VAPB: variants seen among roughly 807,000 people sequenced by gnomAD.
VAPB encodes the protein vesicle-associated membrane protein-associated protein B/C.
A neutral mutation model predicts 25.6 loss-of-function variants in VAPB; 7 were observed. The observed-to-expected ratio is 0.27, with a 90% confidence interval of 0.16 to 0.51. The LOEUF (loss-of-function observed/expected upper bound fraction) is 0.51. VAPB is among the 20% of genes least tolerant of loss of function. The pLI is 0.97. For synonymous variants in VAPB, 112 were observed against 109.2 expected, an observed-to-expected ratio of 1.03 and a Z score of -0.16; for missense variants, 266 against 301.3, an observed-to-expected ratio of 0.88 and a Z score of 0.87.
chr20:58,414,283 C>G (rs1321790839), intron 1 of VAPB, among the ~76,000 whole-genome samples: 1 of 146,450 alleles, frequency 6.8e-6, no homozygotes, highest in African/African-American at 2.5e-5. Context: ...CTGACCCCCC[C>G]ACCTCCCTCC....
intron 2 of VAPB, among the ~76,000 whole-genome samples, chr20:58,424,322 A>G (rs1399258836): frequency 1.3e-5 from 2 of 152,106 alleles, no homozygotes; most frequent in Non-Finnish European, 2.9e-5. Context: ...GGAAAGGGGT[A>G]CAGAGGTGGC....
chr20:58,395,344 G>T (rs370678135), intron 1 of VAPB, among the ~76,000 whole-genome samples: 1 of 152,022 alleles, frequency 6.6e-6, no homozygotes, highest in African/African-American at 2.4e-5. Context: ...TAGAGACGGG[G>T]TTTCACCATG....
intron 5 of VAPB, among the ~76,000 whole-genome samples, chr20:58,441,972 G>T (rs1292213759): frequency 6.6e-6 from 1 of 152,174 alleles, no homozygotes; most frequent in African/African-American, 2.4e-5. Context: ...TGAGGCAGTT[G>T]GCATTGGCAA....
intron 2 of VAPB, among the ~76,000 whole-genome samples, chr20:58,420,749 G>A (rs1386446950): frequency 1.3e-5 from 2 of 152,216 alleles, no homozygotes; most frequent in African/African-American, 4.8e-5. Context: ...ATTTAGCTCA[G>A]TGCTTGGGGG....
chr20:58,418,519 C>CCCGT (rs1988601616), intron 2 of VAPB, among the ~76,000 whole-genome samples, 156 bp downstream of exon 2: 1 of 148,960 alleles, frequency 6.7e-6, no homozygotes, highest in African/African-American at 2.5e-5. Context: ...AACCCTCCAC[C>CCCGT]CCGTGATCAG....
In VAPB at chr20:58,447,523, T is replaced by C. The variant is rs969005452; in HGVS notation, c.*3288T>C. ...GAAAACCTAAACGCTTTCAAACAAA[T>C]CCCAGGAACAGAATTGCTATCGAAA... On this transcript the variant is annotated 3_prime_UTR_variant, in exon 6 of 6. Transcript: ENST00000475243. 26 of 454,032 alleles carry C rather than the reference T, an allele frequency of 5.7e-5. No individual in the cohort carries two copies. The highest frequency in any genetic ancestry group is 5.0e-4 in the African/African-American group (25 of 50,074). 28.1% of individuals were successfully genotyped at this position (454,032 alleles called of 1,614,324 possible). A position where few individuals can be genotyped will look rare whatever the true frequency, so the allele number is the denominator to read the frequency against.
chr20:58,412,415 A>T (rs769902286), intron 1 of VAPB, among the ~76,000 whole-genome samples: 14 of 147,340 alleles, frequency 9.5e-5, no homozygotes, highest in South Asian at 6.3e-4. Flanking sequence ...CCCTGTCTCT[A>T]TTAAAAATAC....
chr20:58,399,799 G>C (rs528077989), intron 1 of VAPB, among the ~76,000 whole-genome samples: 15 of 151,852 alleles, frequency 9.9e-5, no homozygotes, highest in Admixed American at 2.0e-4. Flanking sequence ...CTTATTGTGA[G>C]CTATTTGTTT....
In VAPB at chr20:58,444,951, T is replaced by G. The variant is rs150303699; in HGVS notation, c.*716T>G. On this transcript the variant is annotated 3_prime_UTR_variant, in exon 6 of 6. Transcript: ENST00000475243. ...AGAGATGTTTAATGCATATTTAACT[T>G]ATTTAATGTATTTCATCTCATGTTT... The G allele has an allele frequency of 1.8e-5, 8 of 454,674 alleles. No individual in the cohort carries two copies. Among genetic ancestry groups the G allele is most frequent in the African/African-American group, 1.6e-4 (8 of 50,138 alleles). The allele number at this position is 454,674 out of a possible 1,614,324, so 28.2% of individuals were successfully genotyped here.
chr20:58,432,654 A>G (rs927688128), intron 2 of VAPB, among the ~76,000 whole-genome samples: 1 of 152,248 alleles, frequency 6.6e-6, no homozygotes, highest in East Asian at 1.9e-4. Flanking sequence ...TTCACAGAGC[A>G]TGTAAAGACA....
intron 3 of VAPB, among the ~76,000 whole-genome samples, chr20:58,435,214 T>C (rs1989015950): frequency 6.6e-6 from 1 of 152,208 alleles, no homozygotes; most frequent in Non-Finnish European, 1.5e-5. Flanking sequence ...TGTTTAACTT[T>C]TCTCTAATTT....
intron 1 of VAPB, among the ~76,000 whole-genome samples, chr20:58,396,295 G>A (rs541943264): frequency 6.6e-6 from 1 of 152,232 alleles, no homozygotes; most frequent in African/African-American, 2.4e-5. Context: ...TGCCCACCTC[G>A]TGTTGTGTAG....
chr20:58,446,513 T>C lies in VAPB; in HGVS notation c.*2278T>C. 2.2e-6 allele frequency: 1 copy of C among 454,076 alleles called. No individual in the cohort carries two copies. The highest frequency in any genetic ancestry group is 4.4e-6 in the Non-Finnish European group (1 of 226,768). 28.1% of individuals were successfully genotyped at this position (454,076 alleles called of 1,614,324 possible). A position where few individuals can be genotyped will look rare whatever the true frequency, so the allele number is the denominator to read the frequency against. The stretch of plus-strand genomic sequence containing the variant: ...AAACAGCCGGGTCATGGGATTTGGC[T>C]TGTGAGTCTGTAACAGTTCTTAAAA... On this transcript the variant is annotated 3_prime_UTR_variant, in exon 6 of 6. Coordinates refer to ENST00000475243, the MANE Select transcript of VAPB (RefSeq NM_004738.5).
At chr20:58,411,900 C>T (rs1344045064) in intron 1 of VAPB, among the ~76,000 whole-genome samples, 2 of 151,950 alleles carry the variant, frequency 1.3e-5, no homozygotes, top group East Asian at 1.9e-4. Flanking sequence ...AGGATGGTCT[C>T]GATCTCCTGA....
chr20:58,434,775 G>T, intron 3 of VAPB, 70 bp downstream of exon 3: 1 of 795,140 alleles, frequency 1.3e-6, no homozygotes, highest in Non-Finnish European at 2.2e-6. Context: ...ATGGAATTGT[G>T]GGTGCATGCA....
intron 1 of VAPB, among the ~76,000 whole-genome samples, chr20:58,404,297 C>T (rs1988172945): frequency 1.3e-5 from 2 of 152,192 alleles, no homozygotes; most frequent in Admixed American, 6.5e-5. Flanking sequence ...GCCTCAGCTT[C>T]TTTCACCCCT....
intron 1 of VAPB, among the ~76,000 whole-genome samples, chr20:58,392,133 C>T (rs557771901): frequency 6.6e-6 from 1 of 152,328 alleles, no homozygotes; most frequent in East Asian, 1.9e-4. Context: ...TAGGCCACTT[C>T]ACTCCTCAAA....
At chr20:58,414,943 C>A (rs1353564165) in intron 1 of VAPB, among the ~76,000 whole-genome samples, 1 of 152,276 alleles carries the variant, frequency 6.6e-6, no homozygotes, top group Non-Finnish European at 1.5e-5. Flanking sequence ...CCACCGAGCA[C>A]TGAGTGAACG....
rs141241746 is a variant in VAPB, at chr20:58,418,131, T to A, written c.59-80T>A. 14 of 1,583,996 alleles carry A rather than the reference T, an allele frequency of 8.8e-6. No individual in the cohort carries two copies. The East Asian group carries it at 2.7e-4, about 30-fold the overall frequency. The stretch of plus-strand genomic sequence containing the variant: ...CGTGGATCTCAAATCTTCCCTTAAC[T>A]ATATTTACAGCTCTCTTTTCCACAA... On this transcript the variant is annotated intron_variant, in intron 1 of 5. Coordinates refer to ENST00000475243, the MANE Select transcript of VAPB (RefSeq NM_004738.5).
Sources: allele counts gnomAD v4.1 joint callset (sites outside exome capture counted in the v4.1 genomes callset), GRCh38; gene constraint gnomAD v4.1.1; transcripts MANE v1.5; gene names NCBI Gene and HGNC (gene_info 2026-07-23, HGNC 2026-07-21).